The following CD109 variants were observed in gnomAD, a reference collection of about 807,000 sequenced individuals.
CD109 encodes the protein CD109 molecule, also known as CD109 antigen.
In CD109, 149 loss-of-function variants were observed where a neutral mutation model predicts 165.8. The observed-to-expected ratio is 0.90, with a 90% CI of 0.79 to 1.03. The LOEUF (loss-of-function observed/expected upper bound fraction) is 1.03. Among genes scored for constraint, CD109 ranks in the 50% least tolerant of loss-of-function variants. CD109 has a pLI of 0.00. For synonymous variants in CD109, 585 were observed against 592.1 expected (o/e 0.99, Z 0.18); for missense variants, 1,712 against 1,677.8 (o/e 1.02, Z -0.36).
chr6:73,768,044 G>C lies in CD109; in HGVS notation c.1498-11G>C. 3.7e-6 allele frequency: 6 copies of C among 1,609,722 alleles called. No homozygotes were observed. The highest frequency in any genetic ancestry group is 5.1e-6 in the Non-Finnish European group (6 of 1,177,288). On this transcript the variant is annotated splice_polypyrimidine_tract_variant and intron_variant, in intron 13 of 32. Coordinates refer to ENST00000287097, the MANE Select transcript of CD109 (RefSeq NM_133493.5). ...TGGCAATAAATTAAACCCATCTACT[G>C]TTCTTTTCAGGTAGTATCCAGGGGA...
intron 22 of CD109, among the ~76,000 whole-genome samples, chr6:73,791,216 T>G: frequency 7.9e-6 from 1 of 125,806 alleles, no homozygotes; most frequent in South Asian, 2.8e-4. Context: ...TATATATATA[T>G]ATATAATTTT....
chr6:73,807,937 G>A, intron 25 of CD109, 146 bp from the exon 26 acceptor site: 1 of 622,922 alleles, frequency 1.6e-6, no homozygotes, highest in Admixed American at 3.3e-5. Flanking sequence ...CAATGATCAT[G>A]GTTGATTTTC....
chr6:73,781,814 C>T lies in CD109; in HGVS notation c.1963+495C>T, dbSNP rs561836632. ...ACACACAGAGACATAGACACACACG[C>T]AGACACACACACACACACACACCCC... On this transcript the variant is annotated intron_variant, in intron 17 of 32. Transcript: ENST00000287097. 7.9e-3 allele frequency among the ~76,000 whole-genome samples: 967 copies of T among 122,652 alleles called. 10 individuals are homozygous for T. The highest frequency in any genetic ancestry group is 0.03 in the African/African-American group (908 of 30,556). The allele number at this position is 122,652 out of a possible 152,430, so 80.5% of individuals were successfully genotyped here.
At chr6:73,741,524 T>G (rs986064915) in intron 5 of CD109, among the ~76,000 whole-genome samples, 2 of 152,196 alleles carry the variant, frequency 1.3e-5, no homozygotes, top group Non-Finnish European at 1.5e-5. Context: ...AAAATACACC[T>G]TAGGAAGATA....
intron 29 of CD109, among the ~76,000 whole-genome samples, chr6:73,812,472 G>T (rs369659577): frequency 1.3e-5 from 2 of 152,044 alleles, no homozygotes; most frequent in Non-Finnish European, 2.9e-5. Context: ...TATATAGATT[G>T]ATTTTCTGTT....
chr6:73,787,317 C>A lies in CD109; in HGVS notation c.2421C>A (p.Thr807=), dbSNP rs1462656610. ...NEINATGHQQ[T]LLVPSEDGAT... ...TAAATGCCACAGGCCACCAGCAGAC[C>A]CTTCTGGTTCCCAGTGAGGATGGGG... The change falls in exon 21 of 33, where the codon ACC becomes ACA. Residue 807 remains threonine (T), a synonymous_variant. Transcript: ENST00000287097. The A allele has an allele frequency of 6.2e-7, 1 of 1,613,466 alleles. No homozygotes were observed. The highest frequency in any genetic ancestry group is 1.3e-5 in the African/African-American group (1 of 74,900).
At chr6:73,787,816 G>A (rs1774754468) in intron 21 of CD109, among the ~76,000 whole-genome samples, 1 of 152,096 alleles carries the variant, frequency 6.6e-6, no homozygotes, top group Non-Finnish European at 1.5e-5. Context: ...TTTTTTCAGA[G>A]AAGACATTCT....
chr6:73,698,993 T>C (rs1770957454), intron 2 of CD109, among the ~76,000 whole-genome samples: 1 of 152,262 alleles, frequency 6.6e-6, no homozygotes, highest in Non-Finnish European at 1.5e-5. Flanking sequence ...AAACAACAAT[T>C]GCTAATATTA....
chr6:73,788,717 G>C (rs539645696), intron 22 of CD109, 105 bp downstream of exon 22: 1 of 1,017,190 alleles, frequency 9.8e-7, no homozygotes, highest in East Asian at 2.8e-5. Context: ...AATAAGAAGA[G>C]ATGGCAAAAG....
chr6:73,701,080 C>T (rs1339524985), intron 2 of CD109, among the ~76,000 whole-genome samples: 6 of 149,332 alleles, frequency 4.0e-5, no homozygotes, highest in Admixed American at 2.7e-4. Context: ...GGATTATAGG[C>T]GTGAGCCACC....
intron 2 of CD109, among the ~76,000 whole-genome samples, chr6:73,708,001 TATATA>T (rs1562021927): frequency 3.8e-4 from 40 of 104,298 alleles, no homozygotes; most frequent in African/African-American, 1.2e-3. Context: ...TATATATATA[TATATA>T]TATTTATTAT....
At chr6:73,820,626 G>A in intron 32 of CD109, 63 bp downstream of exon 32, 1 of 992,342 alleles carries the variant, frequency 1.0e-6, no homozygotes, top group Non-Finnish European at 1.5e-6. Flanking sequence ...TCATTTATTG[G>A]AAGTGACCAC....
chr6:73,785,609 T>C (rs368291021), intron 20 of CD109, 132 bp downstream of exon 20: 1 of 548,820 alleles, frequency 1.8e-6, no homozygotes, highest in Non-Finnish European at 3.2e-6. Flanking sequence ...AGGCTGAAAA[T>C]AGACATGTCT....
At chr6:73,771,278 C>A (rs1313109557) in intron 14 of CD109, 151 bp from the exon 15 acceptor site, 5 of 553,816 alleles carry the variant, frequency 9.0e-6, no homozygotes, top group Admixed American at 4.0e-5. Flanking sequence ...TTATTCCTTT[C>A]CCTAGAGAAG....
intron 29 of CD109, 74 bp from the exon 30 acceptor site, chr6:73,814,907 A>G (rs1562086633): frequency 3.8e-6 from 4 of 1,063,476 alleles, no homozygotes; most frequent in Non-Finnish European, 3.8e-6. Context: ...ATCATTACCT[A>G]ATACAGTATT....
intron 7 of CD109, among the ~76,000 whole-genome samples, chr6:73,759,229 C>T (rs112900566): frequency 6.4e-4 from 98 of 152,162 alleles, no homozygotes; most frequent in African/African-American, 2.1e-3. Flanking sequence ...GCTTGCAAGC[C>T]GACCCAGTCT....
intron 2 of CD109, among the ~76,000 whole-genome samples, chr6:73,712,239 G>A (rs769202773): frequency 6.6e-6 from 1 of 151,910 alleles, no homozygotes; most frequent in Non-Finnish European, 1.5e-5. Flanking sequence ...TTAAAGTTTT[G>A]TTTTCCATGA....
chr6:73,748,939 C>G (rs1391413175), intron 5 of CD109, among the ~76,000 whole-genome samples: 1 of 152,064 alleles, frequency 6.6e-6, no homozygotes, highest in African/African-American at 2.4e-5. Context: ...ATTGTGATTT[C>G]TTTTTTATTT....
chr6:73,767,220 C>T (rs972940768), intron 13 of CD109, among the ~76,000 whole-genome samples: 1 of 152,136 alleles, frequency 6.6e-6, no homozygotes, highest in African/African-American at 2.4e-5. Context: ...CCTCCACCCT[C>T]CCATAGGACC....
Sources: gnomAD v4.1 joint callset for allele counts (sites outside exome capture counted in the v4.1 genomes callset) on GRCh38, gnomAD v4.1.1 for gene constraint, MANE v1.5 for transcripts, NCBI Gene and HGNC (gene_info 2026-07-23, HGNC 2026-07-21) for gene names.